Variants in RC3H1 observed in about 807,000 individuals in gnomAD.
RC3H1 encodes ring finger and CCCH-type domains 1, also known as roquin-1.
A neutral mutation model predicts 138.2 loss-of-function variants in RC3H1; 50 were observed. The observed-to-expected ratio is 0.36, with a 90% CI of 0.29 to 0.46. RC3H1 has a LOEUF of 0.46. Among genes scored for constraint, RC3H1 ranks in the 20% least tolerant of loss-of-function variants. The pLI is 1.00. For synonymous variants in RC3H1, 462 were observed against 489.1 expected, an observed-to-expected ratio of 0.94 and a Z score of 0.73; for missense variants, 1,031 against 1,388.1, an observed-to-expected ratio of 0.74 and a Z score of 4.09.
intron 11 of RC3H1, 135 bp from the exon 12 acceptor site, chr1:173,962,230 TTATA>T (rs1482589603): frequency 3.3e-6 from 3 of 901,374 alleles, no homozygotes; most frequent in Non-Finnish European, 4.9e-6. Flanking sequence ...TTCCATCTGC[TTATA>T]TAATCAGGTT....
Position 173,982,822 on chromosome 1 carries a change from A to G in RC3H1, c.673T>C (p.Phe225Leu). 1 of 1,614,038 alleles carries G rather than the reference A, an allele frequency of 6.2e-7. No homozygotes were observed. Among genetic ancestry groups the G allele is most frequent in the South Asian group, 1.1e-5 (1 of 91,070 alleles). ...CGTGGCTCCAATCTTTGCACCACAA[A>G]CAGAACCAATACTTTTCTTGACAAA... ...SALSRKVLVL[F>L]VVQRLEPRFP... Residue 225 changes from phenylalanine (F) to leucine (L), a missense_variant, in exon 5 of 20, where the codon TTT becomes CTT. Transcript: ENST00000367696.
At chr1:173,956,247 G>A (rs937899153) in intron 13 of RC3H1, among the ~76,000 whole-genome samples, 4 of 152,004 alleles carry the variant, frequency 2.6e-5, no homozygotes, top group Non-Finnish European at 5.9e-5. Context: ...GAAGCATCCT[G>A]CATTTCTGTA....
At chr1:173,977,749 G>A (rs769414218) in intron 7 of RC3H1, among the ~76,000 whole-genome samples, 9 of 152,222 alleles carry the variant, frequency 5.9e-5, no homozygotes, top group Admixed American at 2.0e-4. Flanking sequence ...GTGGGCAGGA[G>A]GGGAAGGCAT....
chr1:173,956,403 T>C (rs893396177), intron 13 of RC3H1, among the ~76,000 whole-genome samples: 6 of 152,070 alleles, frequency 3.9e-5, no homozygotes, highest in Non-Finnish European at 7.4e-5. Flanking sequence ...TATATATGTA[T>C]TGAAATATCA....
chr1:173,985,423 T>C (rs1442004402), intron 2 of RC3H1, among the ~76,000 whole-genome samples: 2 of 152,258 alleles, frequency 1.3e-5, no homozygotes, highest in Admixed American at 6.5e-5. Context: ...GTTCCAATTC[T>C]TCTACATTTT....
Position 173,964,854 on chromosome 1 carries a change from C to G in RC3H1, c.1601G>C (p.Gly534Ala), listed in dbSNP as rs140894628. 9.9e-6 allele frequency: 16 copies of G among 1,613,902 alleles called. No individual in the cohort carries two copies. In the African/African-American group the frequency reaches 2.0e-4, roughly 20 times the overall value. Residue 534 changes from glycine to alanine, a missense_variant, in exon 10 of 20, where the codon GGA becomes GCA. This residue lies in a region of RC3H1 where 716 missense variants were observed against 837.9 expected (regional missense o/e 0.85). Transcript: ENST00000367696. ...AATGACGTACAGGTCAGGAGGGGAT[C>G]CAGGAGCACTACTGCTCAGATGATC... ...KIDHLSSSAP[G>A]SPPDLLESVP...
intron 13 of RC3H1, among the ~76,000 whole-genome samples, chr1:173,956,255 G>A (rs1659642673): frequency 6.6e-6 from 1 of 151,988 alleles, no homozygotes; most frequent in Non-Finnish European, 1.5e-5. Context: ...CTGCATTTCT[G>A]TAACCTTGAC....
intron 1 of RC3H1, among the ~76,000 whole-genome samples, chr1:174,000,328 C>A (rs1049487166): frequency 6.6e-6 from 1 of 152,146 alleles, no homozygotes; most frequent in African/African-American, 2.4e-5. Context: ...TTACCATCTC[C>A]TTTATTATAG....
intron 1 of RC3H1, 46 bp from the exon 2 acceptor site, chr1:173,993,181 A>C: frequency 1.8e-6 from 1 of 565,570 alleles, no homozygotes; most frequent in Non-Finnish European, 3.1e-6. Context: ...TTTCTTTTCA[A>C]TTAAACTGTT....
intron 19 of RC3H1, 46 bp downstream of exon 19, chr1:173,941,219 T>A: frequency 3.6e-6 from 4 of 1,112,828 alleles, no homozygotes; most frequent in Non-Finnish European, 1.4e-6. Flanking sequence ...TTAGTTTCTC[T>A]TTTGTGTGTA....
intron 7 of RC3H1, among the ~76,000 whole-genome samples, chr1:173,973,638 T>C (rs775878939): frequency 3.3e-5 from 5 of 152,140 alleles, no homozygotes; most frequent in Non-Finnish European, 7.3e-5. Flanking sequence ...GCACTATGAT[T>C]TATAAAAGAA....
intron 19 of RC3H1, 145 bp downstream of exon 19, chr1:173,941,120 C>T: frequency 1.6e-6 from 1 of 630,592 alleles, no homozygotes; most frequent in Non-Finnish European, 2.7e-6. Context: ...CGCCCGGCCG[C>T]AAAAATATTC....
chr1:173,961,316 G>A (rs1329787102), intron 12 of RC3H1, 72 bp from the exon 13 acceptor site: 25 of 1,367,766 alleles, frequency 1.8e-5, no homozygotes, highest in South Asian at 4.0e-5. Flanking sequence ...TATACTCAGC[G>A]TATATTTTAA....
intron 2 of RC3H1, among the ~76,000 whole-genome samples, chr1:173,992,493 G>C (rs1277219753): frequency 6.6e-6 from 1 of 152,074 alleles, no homozygotes; most frequent in Non-Finnish European, 1.5e-5. Flanking sequence ...TTGAATATCT[G>C]ACAAGATTAA....
At chr1:173,946,058 A>T (rs1659120922) in intron 17 of RC3H1, among the ~76,000 whole-genome samples, 4 of 151,856 alleles carry the variant, frequency 2.6e-5, no homozygotes, top group Admixed American at 2.0e-4. Context: ...AACCCCAACC[A>T]CTCAGGAGGC....
chr1:174,020,556 C>CT (rs1397777740), intron 1 of RC3H1, among the ~76,000 whole-genome samples: 4 of 152,156 alleles, frequency 2.6e-5, no homozygotes, highest in Non-Finnish European at 5.9e-5. Flanking sequence ...ACCTATAACC[C>CT]TTAGGCCTTG....
At chr1:174,003,807 G>A (rs1366133731) in intron 1 of RC3H1, among the ~76,000 whole-genome samples, 1 of 151,616 alleles carries the variant, frequency 6.6e-6, no homozygotes, top group South Asian at 2.1e-4. Flanking sequence ...GTCTACAGGC[G>A]CCCGCCACCA....
At chr1:174,021,890 G>A (rs1039329369) in intron 1 of RC3H1, among the ~76,000 whole-genome samples, 4 of 152,232 alleles carry the variant, frequency 2.6e-5, no homozygotes, top group African/African-American at 9.6e-5. Flanking sequence ...AGAGGCCTGA[G>A]GCCTAAAGGA....
At chr1:174,001,315 G>T (rs1386894433) in intron 1 of RC3H1, among the ~76,000 whole-genome samples, 1 of 152,150 alleles carries the variant, frequency 6.6e-6, no homozygotes, top group Non-Finnish European at 1.5e-5. Flanking sequence ...TTAACTTTAC[G>T]TATGTAGTTT....
Sources: gnomAD v4.1 joint callset for allele counts (sites outside exome capture counted in the v4.1 genomes callset) on GRCh38, gnomAD v4.1.1 for gene constraint, gnomAD v4.1.1 regional missense constraint, MANE v1.5 for transcripts, NCBI Gene and HGNC (gene_info 2026-07-23, HGNC 2026-07-21) for gene names.